PAX6: variants seen among roughly 807,000 people sequenced by gnomAD.
PAX6 encodes paired box protein Pax-6.
In PAX6, 7 loss-of-function variants were observed where a neutral mutation model predicts 60.7. The observed-to-expected ratio is 0.12, with a 90% CI of 0.07 to 0.22. The LOEUF (loss-of-function observed/expected upper bound fraction) is 0.22, where lower values mean the gene tolerates loss of function less well. Among genes scored for constraint, PAX6 ranks in the 10% least tolerant of loss-of-function variants. The pLI is 1.00. For synonymous variants in PAX6, 208 were observed against 201.2 expected, an observed-to-expected ratio of 1.03 and a Z score of -0.29; for missense variants, 355 against 555.2, an observed-to-expected ratio of 0.64 and a Z score of 3.62.
intron 13 of PAX6, 76 bp from the exon 14 acceptor site, chr11:31,790,095 T>TAGAA: frequency 1.6e-5 from 1 of 61,324 alleles, no homozygotes; most frequent in Non-Finnish European, 2.6e-5. Flanking sequence ...TTTATAGGTT[T>TAGAA]ACAAAAAAAA....
intron 13 of PAX6, 93 bp downstream of exon 13, chr11:31,790,617 C>T (rs1949580637): frequency 6.3e-7 from 1 of 1,584,978 alleles, no homozygotes; most frequent in African/African-American, 1.3e-5. Flanking sequence ...AGGAGTTAAA[C>T]ACGCCCTCCC....
chr11:31,817,059 C>G (rs373133300), intron 1 of PAX6, among the ~76,000 whole-genome samples: 2 of 152,248 alleles, frequency 1.3e-5, no homozygotes, highest in Non-Finnish European at 2.9e-5. Context: ...GGGCGCTTCT[C>G]TTTCCCGGGC....
At chr11:31,803,162 A>G (rs2135169817) in intron 4 of PAX6, 1 of 403,308 alleles carries the variant, frequency 2.5e-6, no homozygotes, top group Non-Finnish European at 4.7e-6. Context: ...AGAGTCAGAC[A>G]CATGCCAAGG....
intron 4 of PAX6, 38 bp downstream of exon 4, chr11:31,806,364 C>T (rs1015216843): frequency 3.1e-6 from 5 of 1,598,780 alleles, no homozygotes; most frequent in Non-Finnish European, 4.3e-6. Context: ...GTCCGCGCAC[C>T]CCGAGCCCGA....
chr11:31,800,583 T>G (rs1953374132), intron 8 of PAX6, 108 bp downstream of exon 8: 2 of 1,330,360 alleles, frequency 1.5e-6, no homozygotes, highest in East Asian at 4.6e-5. Context: ...GTCTCACCCA[T>G]GACATTCCCC....
Position 31,793,818 on chromosome 11 carries a change from G to A in PAX6, c.808-16C>T, listed in dbSNP as rs1161135439. 1.9e-6 allele frequency: 3 copies of A among 1,614,104 alleles called. No individual in the cohort carries two copies. Among genetic ancestry groups the A allele is most frequent in the Non-Finnish European group, 2.5e-6 (3 of 1,180,000 alleles). ...AAAACCATACCTGGAAATCAGGTGGGACAGGTTAGCACTGTGTCTACGTCG... is the reference window on the plus strand; with the variant it reads ...AAAACCATACCTGGAAATCAGGTGGAACAGGTTAGCACTGTGTCTACGTCG... On this transcript the variant is annotated splice_polypyrimidine_tract_variant and intron_variant, in intron 10 of 13. Transcript: ENST00000640368.
chr11:31,801,426 A>G (rs1452997160), intron 7 of PAX6, 135 bp downstream of exon 7: 1 of 1,552,204 alleles, frequency 6.4e-7, no homozygotes. Flanking sequence ...CTGTTCCCCC[A>G]GGTACAAAGG....
upstream of PAX6, among the ~76,000 whole-genome samples, chr11:31,813,665 GGGGGCTCC>G (rs1477226708): frequency 1.4e-4 from 22 of 152,256 alleles, no homozygotes; most frequent in Non-Finnish European, 1.6e-4. Context: ...GGGTGGGGAA[GGGGGCTCC>G]GGGAAAGACT....
chr11:31,790,577 AATCCCC>A lies in PAX6; in HGVS notation c.1225+127_1225+132del, dbSNP rs750321622. 8.3e-5 allele frequency: 128 copies of A among 1,538,266 alleles called. No individual in the cohort carries two copies. The South Asian group carries it at 1.4e-3, about 16-fold the overall frequency. On this transcript the variant is annotated intron_variant, in intron 13 of 13. Coordinates refer to ENST00000640368, the MANE Select transcript of PAX6 (RefSeq NM_001368894.2). ...TTAGCTTAACTGAATTTCCCTTTTCAATCCCCATCCCCCAGGGACAAGGAAAGCAAG... is the reference window on the plus strand; with the variant it reads ...TTAGCTTAACTGAATTTCCCTTTTCAATCCCCCAGGGACAAGGAAAGCAAG...
At chr11:31,810,716 G>A in intron 2 of PAX6, 112 bp downstream of exon 2, 1 of 397,822 alleles carries the variant, frequency 2.5e-6, no homozygotes, top group Non-Finnish European at 4.4e-6. Context: ...CTCTCCCGGC[G>A]TAGCAGTGGG....
At chr11:31,816,817 G>T (rs61217094) in intron 1 of PAX6, among the ~76,000 whole-genome samples, 3,958 of 152,366 alleles carry the variant, frequency 0.026, 164 homozygotes, top group African/African-American at 0.091. Context: ...GGGAGTGGGG[G>T]TTGGGGGCTA....
At chr11:31,813,876 T>C (rs1008412426), upstream of PAX6, among the ~76,000 whole-genome samples, 1 of 152,014 alleles carries the variant, frequency 6.6e-6, no homozygotes, top group Admixed American at 6.5e-5. Context: ...TTCTACCTCG[T>C]GGGGAGCCTC....
upstream of PAX6, among the ~76,000 whole-genome samples, chr11:31,815,948 A>G (rs1957356013): frequency 6.6e-6 from 1 of 152,092 alleles, no homozygotes. Context: ...GCCGGGGAGA[A>G]TTTAAGAATT....
chr11:31,803,822 A>G (rs1167773015), intron 4 of PAX6: 1 of 152,454 alleles, frequency 6.6e-6, no homozygotes, highest in African/African-American at 2.4e-5. Context: ...TGTATCTCAC[A>G]ACCTCATCCC....
In PAX6 at chr11:31,797,059, G is replaced by C. The variant is rs145203299; in HGVS notation, c.566-2271C>G. ...CGGGTTTGGTGAAGAAGGAAGACTG[G>C]AAATAGCTCCTTTTGGCCAACTAGA... On this transcript the variant is annotated intron_variant, in intron 8 of 13. Coordinates refer to ENST00000640368, the MANE Select transcript of PAX6 (RefSeq NM_001368894.2). 7.2e-5 allele frequency among the ~76,000 whole-genome samples: 11 copies of C among 152,276 alleles called. No individual in the cohort carries two copies. In the East Asian group the frequency reaches 1.9e-3, roughly 27 times the overall value.
chr11:31,802,942 AAAGGAGAGGAGGAAGGGGAAGAGGAAG>A (rs1954603921), intron 4 of PAX6, 108 bp from the exon 5 acceptor site: 1 of 1,091,312 alleles, frequency 9.2e-7, no homozygotes, highest in Admixed American at 2.0e-5. Context: ...ACAAGAACAG[AAAGGAGAGGAGGAAGGGGAAGAGGAAG>A]AAGGAGAGGA....
upstream of PAX6, chr11:31,815,120 C>A (rs979167549): frequency 2.0e-5 from 3 of 152,198 alleles, no homozygotes; most frequent in Non-Finnish European, 2.9e-5. Context: ...TTCCTAGCAG[C>A]CCAGCGGGTC....
intron 4 of PAX6, 131 bp from the exon 5 acceptor site, chr11:31,802,965 GGAA>G (rs1414401495): frequency 7.6e-6 from 7 of 922,602 alleles, no homozygotes; most frequent in South Asian, 4.3e-5. Flanking sequence ...AAGGGGAAGA[GGAA>G]GAAGGAGAGG....
At chr11:31,798,712 G>T (rs1211559690) in intron 8 of PAX6, among the ~76,000 whole-genome samples, 2 of 152,206 alleles carry the variant, frequency 1.3e-5, no homozygotes, top group Non-Finnish European at 2.9e-5. Context: ...TAGCAACTAG[G>T]CGCGTTAAAG....
Sources: gnomAD v4.1 joint callset for allele counts (sites outside exome capture counted in the v4.1 genomes callset) on GRCh38, gnomAD v4.1.1 for gene constraint, MANE v1.5 for transcripts, NCBI Gene and HGNC (gene_info 2026-07-23, HGNC 2026-07-21) for gene names.